ZFHX3: variants seen among roughly 807,000 people sequenced by gnomAD.
The protein encoded by ZFHX3 is zinc finger homeobox protein 3.
In ZFHX3, 42 loss-of-function variants were observed where a neutral mutation model predicts 279.1. The ratio of observed to expected loss-of-function variants is 0.15; its 90% CI spans 0.12 to 0.19. ZFHX3 has a LOEUF of 0.19. Ranked by LOEUF, ZFHX3 falls within the 10% of genes least tolerant of loss-of-function variation. ZFHX3 has a pLI of 1.00. For synonymous variants in ZFHX3, 2,293 were observed against 1,957.8 expected (o/e 1.17, Z -4.52); for missense variants, 4,981 against 4,754.0 (o/e 1.05, Z -1.40).
chr16:73,875,423 A>G (rs985768371), intron 1 of ZFHX3, among the ~76,000 whole-genome samples: 1 of 152,226 alleles, frequency 6.6e-6, no homozygotes, highest in Non-Finnish European at 1.5e-5. Flanking sequence ...TAAAGGCATT[A>G]AAGTATATTC....
intron 2 of ZFHX3, among the ~76,000 whole-genome samples, chr16:73,633,487 A>G (rs1245870956): frequency 6.6e-6 from 1 of 152,216 alleles, no homozygotes; most frequent in African/African-American, 2.4e-5. Flanking sequence ...TCTTTGCAGG[A>G]AAGTGAGGGG....
At chr16:73,058,575 A>C in exon 1 of ZFHX3, 16 of 182,148 alleles carry the variant, frequency 8.8e-5, no homozygotes, top group East Asian at 2.2e-4. Context: ...GCTGCTGGCG[A>C]CGGCGGCGGC....
chr16:72,908,710 C>T lies in ZFHX3; in HGVS notation c.3217-18748G>A, dbSNP rs74456447. 2.1e-3 allele frequency among the ~76,000 whole-genome samples: 321 copies of T among 152,302 alleles called. 1 individual carries two copies. Among genetic ancestry groups the T allele is most frequent in the African/African-American group, 7.5e-3 (313 of 41,564 alleles). ...TTGGGCTTTGTTATTATGTGACCTT[C>T]AGCAAGTTACCCGCCCGTCCCTGCT... On this transcript the variant is annotated intron_variant, in intron 3 of 9. Coordinates refer to ENST00000268489, the MANE Select transcript of ZFHX3 (RefSeq NM_006885.4).
At chr16:73,481,923 G>C (rs1049407738) in intron 2 of ZFHX3, among the ~76,000 whole-genome samples, 1 of 152,170 alleles carries the variant, frequency 6.6e-6, no homozygotes, top group Admixed American at 6.5e-5. Context: ...GAAAGGTCTT[G>C]AGCCCTGTTG....
chr16:73,351,722 T>G (rs2016245096), intron 3 of ZFHX3, among the ~76,000 whole-genome samples: 1 of 152,214 alleles, frequency 6.6e-6, no homozygotes, highest in Non-Finnish European at 1.5e-5. Flanking sequence ...GTTTAACCTC[T>G]TCCTTTCTTC....
At chr16:73,236,545 C>T (rs2012955141) in intron 5 of ZFHX3, among the ~76,000 whole-genome samples, 1 of 152,198 alleles carries the variant, frequency 6.6e-6, no homozygotes, top group Admixed American at 6.5e-5. Context: ...TTGTAGTGAG[C>T]TGAGATCATG....
In ZFHX3 at chr16:73,507,484, A is replaced by ATTTTTTTTTT. The variant is rs2019347245; in HGVS notation, c.-1546-51227_-1546-51226insAAAAAAAAAA. ...AAAATGCGTGAAATTCAGCTCTGCCACTTTTTTTTTTTTTTTTTTTTTTTT... is the reference window on the plus strand; with the variant it reads ...AAAATGCGTGAAATTCAGCTCTGCCATTTTTTTTTTCTTTTTTTTTTTTTTTTTTTTTTTT... On this transcript the variant is annotated intron_variant, in intron 2 of 17. Coordinates refer to the ZFHX3 transcript ENST00000641206. 3.0e-5 allele frequency among the ~76,000 whole-genome samples: 3 copies of ATTTTTTTTTT among 101,330 alleles called. No homozygotes were observed. In the Admixed American group the frequency reaches 3.9e-4, roughly 13 times the overall value. 66.5% of individuals were successfully genotyped at this position (101,330 alleles called of 152,430 possible). A position where few individuals can be genotyped will look rare whatever the true frequency, so the allele number is the denominator to read the frequency against.
At chr16:73,831,165 T>G (rs1424060315) in intron 1 of ZFHX3, among the ~76,000 whole-genome samples, 1 of 152,242 alleles carries the variant, frequency 6.6e-6, no homozygotes, top group African/African-American at 2.4e-5. Context: ...TTCACAGCCC[T>G]GGAGAAATGG....
chr16:73,652,488 G>A (rs1477427474), intron 2 of ZFHX3, among the ~76,000 whole-genome samples: 2 of 152,274 alleles, frequency 1.3e-5, no homozygotes, highest in African/African-American at 4.8e-5. Flanking sequence ...TTTTGAGAAG[G>A]CAGAAGGAAT....
intron 6 of ZFHX3, among the ~76,000 whole-genome samples, chr16:73,143,419 T>A (rs1966852716): frequency 6.6e-6 from 1 of 152,196 alleles, no homozygotes; most frequent in Admixed American, 6.5e-5. Flanking sequence ...ATTGCTTTTT[T>A]CTTCTTCCTT....
At position 72,811,931 on chromosome 16, in the gene ZFHX3, T is replaced by G. The variant is rs1360838811; in HGVS notation, c.3637A>C (p.Thr1213Pro). 1 of 1,613,426 alleles carries G rather than the reference T, an allele frequency of 6.2e-7. No individual in the cohort carries two copies. Among genetic ancestry groups the G allele is most frequent in the South Asian group, 1.1e-5 (1 of 91,042 alleles). The change falls in exon 6 of 10, where the codon ACA (threonine) becomes CCA (proline). Residue 1213 changes from threonine (T) to proline (P), a missense_variant. Physicochemically the swap from Thr to Pro is conservative, Grantham distance 38. Around this residue, in one of 7 missense-constraint regions of ZFHX3, gnomAD observed 1,751 missense variants for 1,770.0 expected, o/e 0.99. Coordinates refer to ENST00000268489, the MANE Select transcript of ZFHX3 (RefSeq NM_006885.4). The stretch of plus-strand genomic sequence containing the variant: ...TGCTCCGGTTTGATCTCCTCAGCTG[T>G]TTTTGGTCGCTTCGAAGAGAGGGGA... ...ESPLSSKRPK[T>P]AEEIKPEQMY... is the part of the protein sequence containing the mutation.
At chr16:73,518,209 T>C (rs1393888116) in intron 2 of ZFHX3, among the ~76,000 whole-genome samples, 1 of 152,210 alleles carries the variant, frequency 6.6e-6, no homozygotes, top group Non-Finnish European at 1.5e-5. Context: ...CATGGATCAT[T>C]GCTAGTCACT....
intron 5 of ZFHX3, among the ~76,000 whole-genome samples, chr16:73,143,983 C>T (rs191922457): frequency 2.1e-4 from 32 of 152,160 alleles, no homozygotes; most frequent in Middle Eastern, 3.4e-3. Context: ...TTCAAGTCAC[C>T]CCCTTGTCGG....
chr16:73,017,706 C>T (rs1392070546), intron 1 of ZFHX3, among the ~76,000 whole-genome samples: 2 of 152,066 alleles, frequency 1.3e-5, no homozygotes, highest in Non-Finnish European at 2.9e-5. Flanking sequence ...AGATAGAGCT[C>T]GTCCAGAGAA....
intron 7 of ZFHX3, 50 bp from the exon 8 acceptor site, chr16:72,800,179 A>G: frequency 6.7e-7 from 1 of 1,492,318 alleles, no homozygotes; most frequent in Middle Eastern, 1.7e-4. Context: ...GCGACACAAA[A>G]TAGGAAATGT....
chr16:72,846,738 A>G (rs1386255334), intron 4 of ZFHX3, among the ~76,000 whole-genome samples: 3 of 152,230 alleles, frequency 2.0e-5, no homozygotes, highest in African/African-American at 4.8e-5. Context: ...TGCATGTGCA[A>G]TATATCAGTG....
At chr16:73,781,104 G>C (rs529592127) in intron 1 of ZFHX3, among the ~76,000 whole-genome samples, 29 of 152,286 alleles carry the variant, frequency 1.9e-4, no homozygotes, top group Admixed American at 1.2e-3. Context: ...AATATAATTT[G>C]GGAGCTCTCA....
intron 2 of ZFHX3, among the ~76,000 whole-genome samples, chr16:73,551,436 G>A (rs917464974): frequency 3.3e-5 from 5 of 152,132 alleles, no homozygotes; most frequent in African/African-American, 1.2e-4. Context: ...AGATAATCTA[G>A]TTACCAAACT....
intron 2 of ZFHX3, among the ~76,000 whole-genome samples, chr16:73,479,132 C>G (rs2018821010): frequency 6.6e-6 from 1 of 152,166 alleles, no homozygotes; most frequent in South Asian, 2.1e-4. Context: ...TGGTTCTGCC[C>G]TATCCACCCT....
Sources: allele counts gnomAD v4.1 joint callset (sites outside exome capture counted in the v4.1 genomes callset), GRCh38; gene constraint gnomAD v4.1.1; regional missense constraint gnomAD v4.1.1; transcripts MANE v1.5; gene names NCBI Gene and HGNC (gene_info 2026-07-23, HGNC 2026-07-21).